ZHX2: variants seen among roughly 807,000 people sequenced by gnomAD.
ZHX2 encodes zinc fingers and homeoboxes 2.
A neutral mutation model predicts 21.9 loss-of-function variants in ZHX2; 6 were observed. That is an observed-to-expected ratio of 0.27 (90% CI 0.15 to 0.54). The LOEUF is 0.54. Ranked by LOEUF, ZHX2 falls within the 20% of genes least tolerant of loss-of-function variation. The pLI is 0.95. For missense variants in ZHX2, 908 were observed against 1,090.7 expected, an observed-to-expected ratio of 0.83 and a Z score of 2.36; for synonymous variants, 434 against 437.1, an observed-to-expected ratio of 0.99 and a Z score of 0.09.
intron 2 of ZHX2, among the ~76,000 whole-genome samples, chr8:122,874,941 G>A (rs78641371): frequency 0.027 from 4,109 of 151,628 alleles, 92 homozygotes; most frequent in Non-Finnish European, 0.04. Context: ...TACTAGCAAC[G>A]TGACCTTGGG....
At chr8:122,930,494 G>T (rs978559276) in intron 2 of ZHX2, among the ~76,000 whole-genome samples, 1 of 151,776 alleles carries the variant, frequency 6.6e-6, no homozygotes, top group Non-Finnish European at 1.5e-5. Flanking sequence ...CGTGGTGAAG[G>T]TGATCCTACA....
chr8:122,921,069 G>T (rs941194824), intron 2 of ZHX2, among the ~76,000 whole-genome samples: 6 of 150,700 alleles, frequency 4.0e-5, no homozygotes, highest in South Asian at 2.1e-4. Context: ...GTTTTTTTTT[G>T]GTTTTGTTTT....
chr8:122,927,095 T>C (rs1030607751), intron 2 of ZHX2, among the ~76,000 whole-genome samples: 1 of 152,204 alleles, frequency 6.6e-6, no homozygotes, highest in Non-Finnish European at 1.5e-5. Flanking sequence ...TGTGTTTTCT[T>C]TGTAGCCTCA....
At chr8:122,956,612 G>A (rs1362944391) in intron 3 of ZHX2, among the ~76,000 whole-genome samples, 1 of 152,178 alleles carries the variant, frequency 6.6e-6, no homozygotes, top group Non-Finnish European at 1.5e-5. Flanking sequence ...TGCCACTGGT[G>A]AGAAACCAAA....
intron 2 of ZHX2, among the ~76,000 whole-genome samples, chr8:122,882,547 C>G (rs926085730): frequency 2.0e-5 from 3 of 152,186 alleles, no homozygotes; most frequent in African/African-American, 7.2e-5. Flanking sequence ...TCTCCCTTCC[C>G]TCCCAAATTC....
intron 2 of ZHX2, among the ~76,000 whole-genome samples, chr8:122,919,598 T>C (rs750319923): frequency 1.1e-4 from 16 of 152,240 alleles, no homozygotes; most frequent in Non-Finnish European, 1.8e-4. Context: ...GACAGGGCTG[T>C]GGTAATTACT....
At chr8:122,940,476 C>A (rs188512497) in intron 2 of ZHX2, among the ~76,000 whole-genome samples, 108 of 152,304 alleles carry the variant, frequency 7.1e-4, no homozygotes, top group African/African-American at 2.5e-3. Flanking sequence ...GCAGGACACC[C>A]AGCCTCCTCT....
chr8:122,936,940 C>G (rs1221763027), intron 2 of ZHX2, among the ~76,000 whole-genome samples: 1 of 152,238 alleles, frequency 6.6e-6, no homozygotes, highest in Non-Finnish European at 1.5e-5. Flanking sequence ...TCAGGCTGTT[C>G]CTTAATCACT....
chr8:122,860,702 G>C (rs1237893842), intron 1 of ZHX2, among the ~76,000 whole-genome samples: 1 of 152,174 alleles, frequency 6.6e-6, no homozygotes, highest in African/African-American at 2.4e-5. Context: ...ATCTTCATCA[G>C]AAGTTACAGG....
intron 1 of ZHX2, among the ~76,000 whole-genome samples, chr8:122,833,007 T>TG (rs1406893347): frequency 6.6e-6 from 1 of 151,480 alleles, no homozygotes; most frequent in African/African-American, 2.4e-5. Flanking sequence ...TACGAAGAGG[T>TG]GGGGGCTGTC....
intron 2 of ZHX2, among the ~76,000 whole-genome samples, chr8:122,934,968 G>T (rs990784384): frequency 6.6e-6 from 1 of 152,298 alleles, no homozygotes; most frequent in African/African-American, 2.4e-5. Flanking sequence ...GATTACAGGC[G>T]TGAGCCACCG....
chr8:122,951,457 C>G lies in ZHX2; in HGVS notation c.-54C>G. On this transcript the variant is annotated 5_prime_UTR_variant, in exon 3 of 4. Transcript: ENST00000314393. Reference sequence around the variant, plus strand: ...CACCTTATTCGTTCCAAGAATCTCACCGCCCCCTCCTTATCCCCCTCCAAA... The same window carrying G: ...CACCTTATTCGTTCCAAGAATCTCAGCGCCCCCTCCTTATCCCCCTCCAAA... 1 of 1,485,268 alleles carries G rather than the reference C, an allele frequency of 6.7e-7. No individual in the cohort carries two copies. Among genetic ancestry groups the G allele is most frequent in the Non-Finnish European group, 9.1e-7 (1 of 1,093,164 alleles). 92.0% of individuals were successfully genotyped at this position (1,485,268 alleles called of 1,614,324 possible).
chr8:122,835,651 T>G (rs1477667101), intron 1 of ZHX2, among the ~76,000 whole-genome samples: 3 of 152,064 alleles, frequency 2.0e-5, no homozygotes, highest in Non-Finnish European at 2.9e-5. Flanking sequence ...AGCAGTCTGC[T>G]GGATTTAATG....
chr8:122,947,318 C>A (rs1482325307), intron 2 of ZHX2, among the ~76,000 whole-genome samples: 1 of 151,846 alleles, frequency 6.6e-6, no homozygotes, highest in Non-Finnish European at 1.5e-5. Flanking sequence ...TTGAATGGTG[C>A]TGTCCAATAG....
chr8:122,908,466 T>C (rs763223997), intron 2 of ZHX2, among the ~76,000 whole-genome samples: 3 of 152,190 alleles, frequency 2.0e-5, no homozygotes, highest in Admixed American at 6.5e-5. Context: ...CACCTCGGCC[T>C]CCCAAAATGC....
At chr8:122,926,658 C>T (rs1054052852) in intron 2 of ZHX2, among the ~76,000 whole-genome samples, 1 of 152,172 alleles carries the variant, frequency 6.6e-6, no homozygotes, top group African/African-American at 2.4e-5. Flanking sequence ...GAACTCCTTA[C>T]GAGGCATAGG....
chr8:122,939,886 C>T (rs890261545), intron 2 of ZHX2, among the ~76,000 whole-genome samples: 8 of 152,148 alleles, frequency 5.3e-5, no homozygotes, highest in African/African-American at 1.7e-4. Context: ...AGGGGTGGAG[C>T]AGTCCTTCTG....
chr8:122,801,433 T>C (rs1817717970), intron 1 of ZHX2, among the ~76,000 whole-genome samples: 1 of 152,072 alleles, frequency 6.6e-6, no homozygotes, highest in Non-Finnish European at 1.5e-5. Context: ...GGGAGATGTT[T>C]TCCTTTCAGA....
chr8:122,890,147 T>C (rs182326405), intron 2 of ZHX2, among the ~76,000 whole-genome samples: 186 of 152,326 alleles, frequency 1.2e-3, no homozygotes, highest in African/African-American at 4.2e-3. Context: ...CAGTGAGAGA[T>C]AGGGATCTAG....
Sources: gnomAD v4.1 joint callset for allele counts (sites outside exome capture counted in the v4.1 genomes callset) on GRCh38, gnomAD v4.1.1 for gene constraint, MANE v1.5 for transcripts, NCBI Gene and HGNC (gene_info 2026-07-23, HGNC 2026-07-21) for gene names.